UNC79: variants seen among roughly 807,000 people sequenced by gnomAD.
UNC79 encodes protein unc-79 homolog.
A neutral mutation model predicts 283.1 loss-of-function variants in UNC79; 37 were observed. The observed-to-expected ratio is 0.13, with a 90% CI of 0.10 to 0.17. The LOEUF (loss-of-function observed/expected upper bound fraction) is 0.17, where lower values mean the gene tolerates loss of function less well. UNC79 is among the 10% of genes least tolerant of loss of function. UNC79 has a pLI of 1.00. For missense variants in UNC79, 2,272 were observed against 3,211.1 expected (o/e 0.71, Z 7.07); for synonymous variants, 1,107 against 1,200.2 (o/e 0.92, Z 1.61).
intron 20 of UNC79, among the ~76,000 whole-genome samples, chr14:93,582,890 A>G (rs1157257963): frequency 2.0e-5 from 3 of 152,116 alleles, no homozygotes; most frequent in African/African-American, 4.8e-5. Context: ...TAGGGATTTC[A>G]GGATGTGACC....
chr14:93,508,715 TA>T (rs772291713), intron 7 of UNC79, among the ~76,000 whole-genome samples: 5 of 152,232 alleles, frequency 3.3e-5, no homozygotes, highest in Non-Finnish European at 7.3e-5. Context: ...CAATTGAGTT[TA>T]ACATATTGAT....
At chr14:93,560,099 GT>G (rs2062452512) in intron 14 of UNC79, among the ~76,000 whole-genome samples, 3 of 152,096 alleles carry the variant, frequency 2.0e-5, no homozygotes, top group Admixed American at 1.3e-4. Flanking sequence ...CCTGGATACG[GT>G]TTTGGATTAA....
intron 1 of UNC79, among the ~76,000 whole-genome samples, chr14:93,336,995 G>C (rs2053591789): frequency 1.3e-5 from 2 of 152,140 alleles, no homozygotes; most frequent in African/African-American, 4.8e-5. Flanking sequence ...AGGTGGGAAG[G>C]GGTGGGTCCC....
At chr14:93,564,417 G>A (rs1012389530) in intron 14 of UNC79, among the ~76,000 whole-genome samples, 1 of 152,332 alleles carries the variant, frequency 6.6e-6, no homozygotes, top group African/African-American at 2.4e-5. Flanking sequence ...GGGAGAGCAC[G>A]TGTGTTACCT....
chr14:93,706,524 C>A (rs566261670), intron 48 of UNC79, among the ~76,000 whole-genome samples, 180 bp from the exon 52 acceptor site: 6 of 152,260 alleles, frequency 3.9e-5, no homozygotes, highest in African/African-American at 1.4e-4. Context: ...CAGGACGACT[C>A]TAGAAAACAC....
At chr14:93,554,804 C>G (rs989443972) in intron 14 of UNC79, among the ~76,000 whole-genome samples, 2 of 152,342 alleles carry the variant, frequency 1.3e-5, no homozygotes, top group East Asian at 3.9e-4. Context: ...TAAACAACCT[C>G]TAAATTAGGC....
chr14:93,673,288 A>C (rs1166913795), intron 40 of UNC79, 63 bp from the exon 44 acceptor site: 1 of 1,452,942 alleles, frequency 6.9e-7, no homozygotes, highest in African/African-American at 1.4e-5. Context: ...AGCTCTTTTG[A>C]CATGGATATA....
chr14:93,561,322 A>C (rs1295297977), intron 14 of UNC79, among the ~76,000 whole-genome samples: 1 of 152,078 alleles, frequency 6.6e-6, no homozygotes, highest in Non-Finnish European at 1.5e-5. Context: ...TATAAGGAGA[A>C]AGGTTTTTAA....
chr14:93,473,687 T>C (rs2057643260), intron 2 of UNC79, among the ~76,000 whole-genome samples: 1 of 152,220 alleles, frequency 6.6e-6, no homozygotes, highest in South Asian at 2.1e-4. Context: ...TTGCTGAAAA[T>C]GTCTTTTCCT....
intron 1 of UNC79, among the ~76,000 whole-genome samples, chr14:93,442,483 A>G (rs1211350282): frequency 1.3e-5 from 2 of 152,144 alleles, no homozygotes; most frequent in African/African-American, 2.4e-5. Flanking sequence ...TTCTGCATGT[A>G]TATAGAACTA....
At position 93,600,712 on chromosome 14, in the gene UNC79, G is replaced by A. The variant is rs777664852; in HGVS notation, c.3516G>A (p.Thr1172=). 1.9e-5 allele frequency: 31 copies of A among 1,613,652 alleles called. 1 individual carries two copies. Among genetic ancestry groups the A allele is most frequent in the South Asian group, 5.5e-5 (5 of 91,072 alleles). Residue 1172 remains threonine, a synonymous_variant, in exon 25 of 49, where the codon ACG becomes ACA. Transcript: ENST00000555664. ...AGTTCTTTGTCAATAGATTTGAGACGCTTTCTTTGGAAGCCCAGCTACATT... is the reference window on the plus strand; with the variant it reads ...AGTTCTTTGTCAATAGATTTGAGACACTTTCTTTGGAAGCCCAGCTACATT...
At chr14:93,516,533 G>A (rs1234465230) in intron 7 of UNC79, among the ~76,000 whole-genome samples, 3 of 151,152 alleles carry the variant, frequency 2.0e-5, no homozygotes, top group Admixed American at 6.6e-5. Context: ...TGCAACCTCT[G>A]CCTCTCCGGT....
At chr14:93,560,893 A>T (rs890299377) in intron 14 of UNC79, among the ~76,000 whole-genome samples, 1 of 152,144 alleles carries the variant, frequency 6.6e-6, no homozygotes, top group South Asian at 2.1e-4. Context: ...GGGTAACTGC[A>T]TAGAGGGAGA....
intron 2 of UNC79, among the ~76,000 whole-genome samples, chr14:93,470,286 A>T (rs1241574365): frequency 1.3e-5 from 2 of 152,154 alleles, no homozygotes; most frequent in Non-Finnish European, 2.9e-5. Flanking sequence ...AACTCTCATG[A>T]TTTTAGTAGA....
At chr14:93,351,573 T>G (rs1431961364) in intron 1 of UNC79, among the ~76,000 whole-genome samples, 9 of 152,230 alleles carry the variant, frequency 5.9e-5, no homozygotes, top group Admixed American at 4.6e-4. Context: ...CTTAGAGGGC[T>G]AATGTTTTGT....
intron 1 of UNC79, among the ~76,000 whole-genome samples, chr14:93,395,355 T>C (rs2054972638): frequency 6.6e-6 from 1 of 152,188 alleles, no homozygotes; most frequent in Non-Finnish European, 1.5e-5. Context: ...GACTCACAGT[T>C]CCATAAGCTG....
intron 1 of UNC79, among the ~76,000 whole-genome samples, chr14:93,418,644 G>A (rs1392644199): frequency 6.6e-6 from 1 of 151,860 alleles, no homozygotes; most frequent in Non-Finnish European, 1.5e-5. Flanking sequence ...ACAGAGGAAG[G>A]CAGGCCTCCT....
chr14:93,435,646 ATCAG>A (rs1440516579), intron 1 of UNC79, among the ~76,000 whole-genome samples: 4 of 152,166 alleles, frequency 2.6e-5, no homozygotes, highest in African/African-American at 9.7e-5. Context: ...TTCTTTTTAG[ATCAG>A]TCATTTTGGT....
At chr14:93,432,104 C>A (rs2055904486) in intron 1 of UNC79, among the ~76,000 whole-genome samples, 2 of 152,164 alleles carry the variant, frequency 1.3e-5, no homozygotes, top group South Asian at 4.1e-4. Context: ...CTTTGTAATT[C>A]TTCTTTGGAA....
Sources: gnomAD v4.1 joint callset for allele counts (sites outside exome capture counted in the v4.1 genomes callset) on GRCh38, gnomAD v4.1.1 for gene constraint, MANE v1.5 for transcripts, NCBI Gene and HGNC (gene_info 2026-07-23, HGNC 2026-07-21) for gene names.